The following GPSM3 variants were observed in gnomAD, a reference collection of about 807,000 sequenced individuals.
GPSM3 encodes G protein signaling modulator 3, also known as G protein-signaling modulator 3.
In GPSM3, 16 loss-of-function variants were observed where a neutral mutation model predicts 20.4. That is an observed-to-expected ratio of 0.78 (90% CI 0.53 to 1.19). The LOEUF (loss-of-function observed/expected upper bound fraction) is 1.19. GPSM3 is among the 50% of genes most tolerant of loss of function. The probability of loss-of-function intolerance (pLI) is 0.00; values close to 1 mark genes in which losing one functional copy is unlikely to be tolerated. For synonymous variants in GPSM3, 70 were observed against 79.6 expected, an observed-to-expected ratio of 0.88 and a Z score of 0.64; for missense variants, 177 against 204.6, an observed-to-expected ratio of 0.86 and a Z score of 0.82.
upstream of GPSM3, among the ~76,000 whole-genome samples, chr6:32,193,970 C>T (rs1011225019): frequency 6.6e-6 from 1 of 152,148 alleles, no homozygotes; most frequent in Non-Finnish European, 1.5e-5. This position sits in a 1 kb window ranked among gnomAD's most constrained non-coding sequence, Gnocchi z 4.7. Flanking sequence ...CTGGTCCTGC[C>T]GCTTATTCCT....
chr6:32,194,918 C>T (rs1030183309), upstream of GPSM3: 2 of 234,500 alleles, frequency 8.5e-6, no homozygotes, highest in African/African-American at 2.2e-5. The surrounding 1 kb of genome is among the most constrained non-coding windows in gnomAD (Gnocchi z 4.5). Context: ...CTAGAAGAAG[C>T]GCTTCATCCC....
chr6:32,194,418 A>G (rs138457708), upstream of GPSM3: 37 of 152,314 alleles, frequency 2.4e-4, no homozygotes, highest in African/African-American at 8.2e-4. This position sits in a 1 kb window ranked among gnomAD's most constrained non-coding sequence, Gnocchi z 4.5. Flanking sequence ...ATTAGGCATT[A>G]GATTCCCGTA....
Position 32,191,959 on chromosome 6 carries a change from G to A in GPSM3, c.146-51C>T. The A allele has an allele frequency of 6.5e-7, 1 of 1,541,402 alleles. No individual in the cohort carries two copies. The highest frequency in any genetic ancestry group is 2.3e-5 in the East Asian group (1 of 44,368). The stretch of plus-strand genomic sequence containing the variant: ...AGAGACCCAGAGAGGTTGGCAGACA[G>A]GAGCCGTGGGGGAGTGTGGACAGGG... On this transcript the variant is annotated intron_variant, in intron 2 of 3. Transcript: ENST00000375040. This position sits in a 1 kb window ranked among gnomAD's most constrained non-coding sequence, Gnocchi z 5.9.
At chr6:32,193,013 G>A (rs1787648069), upstream of GPSM3, 1 of 154,542 alleles carries the variant, frequency 6.5e-6, no homozygotes, top group Non-Finnish European at 1.4e-5. This position sits in a 1 kb window ranked among gnomAD's most constrained non-coding sequence, Gnocchi z 4.7. Context: ...TGTAGGATTT[G>A]GCCCTCCCGA....
At position 32,192,234 on chromosome 6, in the gene GPSM3, T is replaced by G. The variant is rs200274420; in HGVS notation, c.59A>C (p.Glu20Ala). ...EDGEQGPPQD[E>A]EGWPPPNSTT... Reference sequence around the variant, plus strand: ...GGAGTTTGGAGGGGGCCAGCCTTCCTCATCCTGAGGGGGGCCCTGATGCCA... The same window carrying G: ...GGAGTTTGGAGGGGGCCAGCCTTCCGCATCCTGAGGGGGGCCCTGATGCCA... The change falls in exon 2 of 4, where the codon GAG (glutamate) becomes GCG (alanine). Residue 20 changes from glutamate to alanine, a missense_variant. Transcript: ENST00000375040. The surrounding 1 kb of genome is among the most constrained non-coding windows in gnomAD (Gnocchi z 5.1). The G allele has an allele frequency of 4.6e-6, 7 of 1,517,504 alleles. No homozygotes were observed. The highest frequency in any genetic ancestry group is 2.3e-5 in the East Asian group (1 of 43,582). 94.0% of individuals were successfully genotyped at this position (1,517,504 alleles called of 1,614,324 possible). A position where few individuals can be genotyped will look rare whatever the true frequency, so the allele number is the denominator to read the frequency against.
In GPSM3 at chr6:32,191,643, G is replaced by GC. The variant is rs1055431632; in HGVS notation, c.345+65dup. ...GTGCCTAGGGAGAAACAGGAGTAGA[G>GC]CCCCAAAGAGAACAGGGGCCAAGAG... is the stretch of plus-strand genomic sequence containing the variant. On this transcript the variant is annotated intron_variant, in intron 3 of 3. Coordinates refer to ENST00000375040, the MANE Select transcript of GPSM3 (RefSeq NM_001276501.2). The surrounding 1 kb of genome is among the most constrained non-coding windows in gnomAD (Gnocchi z 5.9). 12 of 1,490,762 alleles carry GC rather than the reference G, an allele frequency of 8.0e-6. No homozygotes were observed. In the African/African-American group the frequency reaches 1.7e-4, roughly 21 times the overall value. 92.3% of individuals were successfully genotyped at this position (1,490,762 alleles called of 1,614,324 possible). A position where few individuals can be genotyped will look rare whatever the true frequency, so the allele number is the denominator to read the frequency against.
chr6:32,192,081 G>A lies in GPSM3; in HGVS notation c.145+67C>T, dbSNP rs1787564541. The A allele has an allele frequency of 7.4e-7, 1 of 1,355,340 alleles. No homozygotes were observed. The highest frequency in any genetic ancestry group is 2.2e-5 in the Admixed American group (1 of 45,664). The allele number at this position is 1,355,340 out of a possible 1,614,324, so 84.0% of individuals were successfully genotyped here. ...GTGGGGAGAGGGCCCACAATGGAGT[G>A]GGCCTTGGTAATGGGGTCAGGATGT... On this transcript the variant is annotated intron_variant, in intron 2 of 3. Transcript: ENST00000375040. This position sits in a 1 kb window ranked among gnomAD's most constrained non-coding sequence, Gnocchi z 5.1.
In GPSM3 at chr6:32,191,717, T is replaced by C; in HGVS notation, c.337A>G (p.Ser113Gly). Reference protein sequence around the residue: ...DREQLYSTILSHQCQRMEAQR... With the variant: ...DREQLYSTILGHQCQRMEAQR... ...CTGGGGGGATGTCTTACCTGGTGAC[T>C]GAGGATAGTGCTGTAAAGCTGTTCT... The change falls in exon 3 of 4, where the codon AGT becomes GGT. Residue 113 changes from serine to glycine, a missense_variant. Transcript: ENST00000375040. The surrounding 1 kb of genome is among the most constrained non-coding windows in gnomAD (Gnocchi z 5.9). The C allele has an allele frequency of 6.2e-7, 1 of 1,604,550 alleles. No individual in the cohort carries two copies. Among genetic ancestry groups the C allele is most frequent in the South Asian group, 1.1e-5 (1 of 90,678 alleles).
Position 32,191,767 on chromosome 6 carries a change from G to A in GPSM3, c.287C>T (p.Ala96Val). 6.2e-7 allele frequency: 1 copy of A among 1,612,722 alleles called. No homozygotes were observed. The highest frequency in any genetic ancestry group is 8.5e-7 in the Non-Finnish European group (1 of 1,179,836). The change falls in exon 3 of 4, where the codon GCC (alanine) becomes GTC (valine). Residue 96 changes from alanine (A) to valine (V), a missense_variant. Transcript: ENST00000375040. This position sits in a 1 kb window ranked among gnomAD's most constrained non-coding sequence, Gnocchi z 5.9. The stretch of plus-strand genomic sequence containing the variant: ...TCTGTCCTCGAGAGGACGGAGTGGG[G>A]CAGGGGCTAGGCTTGAGGGGTTTTG... ...TPQNPSSLAP[A>V]PLRPLEDREQ...
Position 32,191,511 on chromosome 6 carries a change from A to C in GPSM3, c.346-8T>G. ...GGCTTCCATCCGCTGGCACTGGAGG[A>C]GTGGAGGGAGAGGGAGAGCTTTGGT... On this transcript the variant is annotated splice_region_variant and splice_polypyrimidine_tract_variant and intron_variant, in intron 3 of 3. Coordinates refer to ENST00000375040, the MANE Select transcript of GPSM3 (RefSeq NM_001276501.2). This position sits in a 1 kb window ranked among gnomAD's most constrained non-coding sequence, Gnocchi z 5.9. The C allele has an allele frequency of 1.9e-6, 3 of 1,547,618 alleles. No individual in the cohort carries two copies. The highest frequency in any genetic ancestry group is 2.6e-6 in the Non-Finnish European group (3 of 1,148,560).
At position 32,192,339 on chromosome 6, in the gene GPSM3, C is replaced by T. The variant is rs1787593754; in HGVS notation, c.43-89G>A. On this transcript the variant is annotated intron_variant, in intron 1 of 3. Transcript: ENST00000375040. This position sits in a 1 kb window ranked among gnomAD's most constrained non-coding sequence, Gnocchi z 5.1. ...GGGCTAGGCCAGTGGCCCGTTTCCT[C>T]TCTGTGTGTCTCTGTTCCTGCCTCA... 3 of 1,333,228 alleles carry T rather than the reference C, an allele frequency of 2.3e-6. No homozygotes were observed. The highest frequency in any genetic ancestry group is 1.4e-5 in the South Asian group (1 of 73,960). 82.6% of individuals were successfully genotyped at this position (1,333,228 alleles called of 1,614,324 possible).
chr6:32,195,481 G>A (rs1185576654), upstream of GPSM3: 1 of 1,612,098 alleles, frequency 6.2e-7, no homozygotes, highest in Non-Finnish European at 8.5e-7. This position sits in a 1 kb window ranked among gnomAD's most constrained non-coding sequence, Gnocchi z 5.4. Context: ...ATTTCTTGGA[G>A]GGCTGGGGGA....
chr6:32,192,426 C>A lies in GPSM3; in HGVS notation c.42+46G>T. 1 of 1,560,892 alleles carries A rather than the reference C, an allele frequency of 6.4e-7. No homozygotes were observed. Among genetic ancestry groups the A allele is most frequent in the Non-Finnish European group, 8.7e-7 (1 of 1,149,076 alleles). On this transcript the variant is annotated intron_variant, in intron 1 of 3. Transcript: ENST00000375040. The surrounding 1 kb of genome is among the most constrained non-coding windows in gnomAD (Gnocchi z 5.1). ...ATTTCTGCCCCAGGTCCTCTCACCTCCCTTCTTTCCCAGTGTCAGCCTCCC... is the reference window on the plus strand; with the variant it reads ...ATTTCTGCCCCAGGTCCTCTCACCTACCTTCTTTCCCAGTGTCAGCCTCCC...
chr6:32,193,692 A>G (rs1787687466), upstream of GPSM3, among the ~76,000 whole-genome samples: 1 of 151,964 alleles, frequency 6.6e-6, no homozygotes, highest in Non-Finnish European at 1.5e-5. The surrounding 1 kb of genome is among the most constrained non-coding windows in gnomAD (Gnocchi z 4.7). Flanking sequence ...TGAGCCCAGG[A>G]GGTTGTGGCT....
chr6:32,195,165 G>A (rs992710650), upstream of GPSM3: 17 of 471,358 alleles, frequency 3.6e-5, no homozygotes, highest in Non-Finnish European at 5.6e-5. The surrounding 1 kb of genome is among the most constrained non-coding windows in gnomAD (Gnocchi z 5.4). Context: ...CCAACTTAGG[G>A]GTATTTCCAC....
In GPSM3 at chr6:32,191,322, G is replaced by A; in HGVS notation, c.*44C>T. The stretch of plus-strand genomic sequence containing the variant: ...TTGAGGGCATGCAATGGGCTGCCCA[G>A]CTTTGAGACCAGTGGCAAGGAAGGG... On this transcript the variant is annotated 3_prime_UTR_variant, in exon 4 of 4. Transcript: ENST00000375040. The surrounding 1 kb of genome is among the most constrained non-coding windows in gnomAD (Gnocchi z 5.9). 1 of 1,565,024 alleles carries A rather than the reference G, an allele frequency of 6.4e-7. No homozygotes were observed. The highest frequency in any genetic ancestry group is 8.6e-7 in the Non-Finnish European group (1 of 1,162,896).
Position 32,191,562 on chromosome 6 carries a change from G to C in GPSM3, c.346-59C>G. On this transcript the variant is annotated intron_variant, in intron 3 of 3. Coordinates refer to ENST00000375040, the MANE Select transcript of GPSM3 (RefSeq NM_001276501.2). The surrounding 1 kb of genome is among the most constrained non-coding windows in gnomAD (Gnocchi z 5.9). ...GAGGGTCTGAGAGGAGGAGGTTCTT[G>C]AGAGGATCAAGGGTTGGTATGGGGA... The C allele has an allele frequency of 6.6e-7, 1 of 1,518,810 alleles. No individual in the cohort carries two copies. The highest frequency in any genetic ancestry group is 8.8e-7 in the Non-Finnish European group (1 of 1,133,280). The allele number at this position is 1,518,810 out of a possible 1,614,324, so 94.1% of individuals were successfully genotyped here.
Position 32,191,968 on chromosome 6 carries a change from G to T in GPSM3, c.146-60C>A. On this transcript the variant is annotated intron_variant, in intron 2 of 3. Transcript: ENST00000375040. The surrounding 1 kb of genome is among the most constrained non-coding windows in gnomAD (Gnocchi z 5.9). ...GAGAGGTTGGCAGACAGGAGCCGTG[G>T]GGGAGTGTGGACAGGGTGACGTGAT... 1 of 1,505,044 alleles carries T rather than the reference G, an allele frequency of 6.6e-7. No individual in the cohort carries two copies. 93.2% of individuals were successfully genotyped at this position (1,505,044 alleles called of 1,614,324 possible).
rs1561899780 is a variant in GPSM3 at position 32,191,351 on chromosome 6, GTT to G, written c.*13_*14del. On this transcript the variant is annotated 3_prime_UTR_variant, in exon 4 of 4. Transcript: ENST00000375040. The surrounding 1 kb of genome is among the most constrained non-coding windows in gnomAD (Gnocchi z 5.9). ...TGAGACCAGTGGCAAGGAAGGGCTG[GTT>G]GGGGCTCAAGTCTCAGCAGGTGTGT... is the stretch of plus-strand genomic sequence containing the variant. The G allele has an allele frequency of 6.4e-7, 1 of 1,574,362 alleles. No individual in the cohort carries two copies.
Sources: gnomAD v4.1 joint callset for allele counts (sites outside exome capture counted in the v4.1 genomes callset) on GRCh38, gnomAD v4.1.1 for gene constraint, Gnocchi (gnomAD v3.1) non-coding constraint, MANE v1.5 for transcripts, NCBI Gene and HGNC (gene_info 2026-07-23, HGNC 2026-07-21) for gene names.